Variants in ZNF536 observed in about 807,000 individuals in gnomAD.
ZNF536 encodes zinc finger protein 536.
In ZNF536, 13 loss-of-function variants were observed where a neutral mutation model predicts 84.5. The observed-to-expected ratio is 0.15, with a 90% CI of 0.10 to 0.24. ZNF536 has a LOEUF of 0.24. Among genes scored for constraint, ZNF536 ranks in the 10% least tolerant of loss-of-function variants. ZNF536 has a pLI of 1.00. For synonymous variants in ZNF536, 811 were observed against 742.5 expected (o/e 1.09, Z -1.50); for missense variants, 1,536 against 1,747.5 (o/e 0.88, Z 2.16).
chr19:30,502,359 C>A (rs1292998084), intron 2 of ZNF536, among the ~76,000 whole-genome samples: 4 of 152,070 alleles, frequency 2.6e-5, no homozygotes. Context: ...TTTTTTTTAG[C>A]TAGCTAGCAC....
In ZNF536 at chr19:30,548,808, G is replaced by T. The variant is rs147582952; in HGVS notation, c.3189G>T (p.Leu1063=). Residue 1063 remains leucine, a synonymous_variant, in exon 4 of 5, where the codon CTG becomes CTT. Transcript: ENST00000355537. ...CCTCGTTACAATCAAACAAAGACCTGGGCCTCTCCAATATGATCAGCTCTC... is the reference window on the plus strand; with the variant it reads ...CCTCGTTACAATCAAACAAAGACCTTGGCCTCTCCAATATGATCAGCTCTC... ...LLPSLQSNKD[L]GLSNMISSLD... 2.5e-6 allele frequency: 4 copies of T among 1,613,816 alleles called. No homozygotes were observed. In the Admixed American group the frequency reaches 5.0e-5, roughly 20 times the overall value.
At chr19:30,702,863 GGTGA>G (rs2052045304) in intron 1 of ZNF536, among the ~76,000 whole-genome samples, 1 of 152,138 alleles carries the variant, frequency 6.6e-6, no homozygotes, top group African/African-American at 2.4e-5. Flanking sequence ...CGTGCTGGGT[GGTGA>G]GTAACAACAA....
intron 2 of ZNF536, among the ~76,000 whole-genome samples, chr19:30,300,177 A>G (rs1370907684): frequency 6.6e-6 from 1 of 152,196 alleles, no homozygotes; most frequent in African/African-American, 2.4e-5. Context: ...GCAGATGCCA[A>G]GAGCAGGCAT....
At chr19:30,298,024 G>A (rs754858070) in intron 2 of ZNF536, among the ~76,000 whole-genome samples, 11 of 151,962 alleles carry the variant, frequency 7.2e-5, no homozygotes, top group Non-Finnish European at 1.3e-4. Flanking sequence ...GAAATTATAG[G>A]CGCGTGCCAC....
chr19:30,434,048 T>G (rs998395545), intron 1 of ZNF536, among the ~76,000 whole-genome samples: 1 of 151,760 alleles, frequency 6.6e-6, no homozygotes, highest in South Asian at 2.1e-4. Context: ...ATAAAGAAAC[T>G]GAGGCTCTGG....
intron 1 of ZNF536, among the ~76,000 whole-genome samples, chr19:30,567,819 A>G (rs2046407242): frequency 6.6e-6 from 1 of 152,036 alleles, no homozygotes; most frequent in Admixed American, 6.5e-5. Context: ...CATGTGCCCA[A>G]TTACCTCTGT....
chr19:30,396,880 C>T (rs576437655), intron 1 of ZNF536, among the ~76,000 whole-genome samples: 1 of 152,286 alleles, frequency 6.6e-6, no homozygotes, highest in East Asian at 1.9e-4. Context: ...GCTGGGATTA[C>T]AGGCGTGAAC....
At chr19:30,324,324 A>T (rs528745814) in intron 2 of ZNF536, among the ~76,000 whole-genome samples, 1 of 152,250 alleles carries the variant, frequency 6.6e-6, no homozygotes, top group South Asian at 2.1e-4. Flanking sequence ...CTATCCATCC[A>T]TTGTGTTTTG....
At chr19:30,642,714 G>A (rs533300964) in intron 1 of ZNF536, among the ~76,000 whole-genome samples, 2 of 152,306 alleles carry the variant, frequency 1.3e-5, no homozygotes, top group South Asian at 4.1e-4. Context: ...AGAGACTGTT[G>A]TGCTGCAGAC....
intron 1 of ZNF536, among the ~76,000 whole-genome samples, chr19:30,588,632 A>G (rs1024423377): frequency 6.6e-6 from 1 of 152,170 alleles, no homozygotes; most frequent in African/African-American, 2.4e-5. Context: ...CTCTGCCTTT[A>G]ACACCTCTCC....
At chr19:30,378,129 C>T (rs1356443036) in intron 1 of ZNF536, among the ~76,000 whole-genome samples, 2 of 152,156 alleles carry the variant, frequency 1.3e-5, no homozygotes, top group South Asian at 2.1e-4. Flanking sequence ...TTCTTAGTCG[C>T]CCCAGCCTGG....
chr19:30,347,338 G>C (rs1041737369), intron 2 of ZNF536, among the ~76,000 whole-genome samples: 1 of 152,154 alleles, frequency 6.6e-6, no homozygotes, highest in African/African-American at 2.4e-5. Flanking sequence ...GGTTCCTCTG[G>C]TCTAGCCGCC....
chr19:30,639,849 T>A (rs1015224967), intron 1 of ZNF536, among the ~76,000 whole-genome samples: 1 of 152,214 alleles, frequency 6.6e-6, no homozygotes, highest in Non-Finnish European at 1.5e-5. Context: ...AAAAGCAAAG[T>A]CAAAAGCAAG....
At chr19:30,603,574 T>A (rs1193958151) in intron 1 of ZNF536, among the ~76,000 whole-genome samples, 2 of 152,222 alleles carry the variant, frequency 1.3e-5, no homozygotes, top group Non-Finnish European at 2.9e-5. Flanking sequence ...TGGATATTAT[T>A]GTGCATATGA....
intron 1 of ZNF536, among the ~76,000 whole-genome samples, chr19:30,706,328 A>G (rs2052225449): frequency 6.6e-6 from 1 of 152,156 alleles, no homozygotes; most frequent in African/African-American, 2.4e-5. Flanking sequence ...ACTAAAAAAA[A>G]TACAAAAAGT....
At position 30,445,296 on chromosome 19, in the gene ZNF536, G is replaced by C. The variant is rs1400504740; in HGVS notation, c.1734G>C (p.Met578Ile). The change falls in exon 2 of 5, where the codon ATG becomes ATC. Residue 578 changes from methionine (M) to isoleucine (I), a missense_variant. By Grantham distance (10) the Met-to-Ile change is conservative. Transcript: ENST00000355537. This position sits in a 1 kb window ranked among gnomAD's most constrained non-coding sequence, Gnocchi z 4.5. ...LVGADGSKQK[M>I]PADLVHSTKV... The stretch of plus-strand genomic sequence containing the variant: ...GAGCAGATGGCTCCAAGCAGAAAAT[G>C]CCTGCTGATTTGGTTCACAGCACTA... 2.5e-6 allele frequency: 4 copies of C among 1,614,204 alleles called. No individual in the cohort carries two copies. The highest frequency in any genetic ancestry group is 3.4e-6 in the Non-Finnish European group (4 of 1,180,046).
At chr19:30,323,625 G>C (rs1489209248) in intron 2 of ZNF536, among the ~76,000 whole-genome samples, 1 of 152,162 alleles carries the variant, frequency 6.6e-6, no homozygotes. Flanking sequence ...CAGGGCTGCA[G>C]GGTTCTTGGG....
At chr19:30,598,115 C>T (rs976482080) in intron 1 of ZNF536, among the ~76,000 whole-genome samples, 5 of 152,146 alleles carry the variant, frequency 3.3e-5, no homozygotes, top group African/African-American at 4.8e-5. Flanking sequence ...TGAAATATCC[C>T]GCCAGCTTCT....
intron 1 of ZNF536, among the ~76,000 whole-genome samples, chr19:30,429,356 G>A (rs560096290): frequency 6.6e-6 from 1 of 152,242 alleles, no homozygotes; most frequent in Non-Finnish European, 1.5e-5. Flanking sequence ...CCAGTTGGCT[G>A]TCTTCTTCCT....
Sources: allele counts gnomAD v4.1 joint callset (sites outside exome capture counted in the v4.1 genomes callset), GRCh38; gene constraint gnomAD v4.1.1; non-coding constraint Gnocchi (gnomAD v3.1); transcripts MANE v1.5; gene names NCBI Gene and HGNC (gene_info 2026-07-23, HGNC 2026-07-21).